Variants in ADGRG6 observed in about 807,000 individuals in gnomAD.
The protein encoded by ADGRG6 is adhesion G protein-coupled receptor G6.
A neutral mutation model predicts 142.4 loss-of-function variants in ADGRG6; 84 were observed. That is an observed-to-expected ratio of 0.59 (90% CI 0.49 to 0.71). The LOEUF is 0.71. Among genes scored for constraint, ADGRG6 ranks in the 30% least tolerant of loss-of-function variants. The pLI, the probability that ADGRG6 is intolerant of heterozygous loss-of-function variation, is 0.00. For synonymous variants in ADGRG6, 521 were observed against 520.5 expected, an observed-to-expected ratio of 1.00 and a Z score of -0.01; for missense variants, 1,367 against 1,466.6, an observed-to-expected ratio of 0.93 and a Z score of 1.11.
At chr6:142,350,374 A>C (rs1042985268) in intron 2 of ADGRG6, among the ~76,000 whole-genome samples, 51 of 152,318 alleles carry the variant, frequency 3.3e-4, no homozygotes, top group African/African-American at 1.2e-3. Context: ...TACATTTCAA[A>C]AATGAAGTGC....
At chr6:142,381,543 G>A (rs1198669123) in intron 4 of ADGRG6, among the ~76,000 whole-genome samples, 2 of 152,196 alleles carry the variant, frequency 1.3e-5, no homozygotes, top group African/African-American at 4.8e-5. Flanking sequence ...ATGCTAGGAT[G>A]TATGAACCAA....
chr6:142,441,361 C>T (rs1777748352), intron 24 of ADGRG6, among the ~76,000 whole-genome samples: 6 of 152,116 alleles, frequency 3.9e-5, no homozygotes. Flanking sequence ...TTGTGAATTC[C>T]AAGCCTGCTT....
In ADGRG6 at chr6:142,383,827, C is replaced by G. The variant is rs368646880; in HGVS notation, c.1206C>G (p.Ile402Met). The G allele has an allele frequency of 6.5e-7, 1 of 1,545,774 alleles. No homozygotes were observed. The change falls in exon 6 of 25, where the codon ATC (isoleucine) becomes ATG (methionine). Residue 402 changes from isoleucine to methionine, a missense_variant. Physicochemically the swap from Ile to Met is conservative, Grantham distance 10. Coordinates refer to ENST00000367609, the MANE Select transcript of ADGRG6 (RefSeq NM_198569.3). ...VTTNMPVTNR[I>M]DKQRNDGIIY... ...CTAACATGCCTGTTACTAACAGAAT[C>G]GATAAACAAAGGAATGGTAAGAAAT...
intron 2 of ADGRG6, among the ~76,000 whole-genome samples, chr6:142,357,218 T>C (rs1055928647): frequency 2.0e-5 from 3 of 152,160 alleles, no homozygotes; most frequent in Non-Finnish European, 4.4e-5. Flanking sequence ...CTGAAAAAAT[T>C]AAGATCATCT....
chr6:142,432,475 G>T (rs750403745), intron 22 of ADGRG6, among the ~76,000 whole-genome samples: 26 of 152,018 alleles, frequency 1.7e-4, no homozygotes, highest in Non-Finnish European at 2.1e-4. Context: ...TCATTCCTAA[G>T]AATTCTAATT....
chr6:142,354,185 T>TA (rs923887853), intron 2 of ADGRG6, among the ~76,000 whole-genome samples: 1 of 152,012 alleles, frequency 6.6e-6, no homozygotes, highest in Non-Finnish European at 1.5e-5. Flanking sequence ...TTTCTCCTAT[T>TA]AAAAAAAACC....
intron 1 of ADGRG6, among the ~76,000 whole-genome samples, chr6:142,309,054 A>G: frequency 6.6e-6 from 1 of 151,938 alleles, no homozygotes; most frequent in Middle Eastern, 3.4e-3. Flanking sequence ...TAGGGGATAG[A>G]ACAGAGTTTG....
intron 16 of ADGRG6, 42 bp from the exon 17 acceptor site, chr6:142,409,831 AT>A: frequency 1.1e-6 from 1 of 900,646 alleles, no homozygotes; most frequent in Non-Finnish European, 1.7e-6. Flanking sequence ...AAATCATGGC[AT>A]TTTAAACACA....
chr6:142,337,572 G>C (rs1189690618), intron 2 of ADGRG6, among the ~76,000 whole-genome samples: 5 of 152,052 alleles, frequency 3.3e-5, no homozygotes. Flanking sequence ...GTTATTTGTG[G>C]AAAGCAAAAT....
chr6:142,424,630 C>T (rs372207669), intron 22 of ADGRG6, among the ~76,000 whole-genome samples: 3 of 145,242 alleles, frequency 2.1e-5, no homozygotes, highest in African/African-American at 7.7e-5. Flanking sequence ...GTCTAAAATT[C>T]TCTTTTTTGG....
At chr6:142,374,011 T>C (rs934681933) in intron 4 of ADGRG6, among the ~76,000 whole-genome samples, 1 of 151,854 alleles carries the variant, frequency 6.6e-6, no homozygotes, top group Non-Finnish European at 1.5e-5. Flanking sequence ...CCCTTGTTCT[T>C]ATAAATAAAG....
intron 1 of ADGRG6, 157 bp downstream of exon 1, chr6:142,302,488 C>G (rs1777273444): frequency 7.0e-6 from 5 of 711,732 alleles, no homozygotes; most frequent in Non-Finnish European, 1.1e-5. Flanking sequence ...GTTTGCCCCT[C>G]GAGGCACTGA....
intron 6 of ADGRG6, among the ~76,000 whole-genome samples, chr6:142,384,311 T>A (rs995979781): frequency 2.0e-5 from 3 of 152,156 alleles, no homozygotes; most frequent in Non-Finnish European, 4.4e-5. Context: ...TACATCAATG[T>A]CCATAGTAAT....
intron 2 of ADGRG6, among the ~76,000 whole-genome samples, chr6:142,315,820 C>CAAAT (rs10609669): frequency 0.017 from 2,367 of 139,114 alleles, 28 homozygotes; most frequent in Middle Eastern, 0.025. Context: ...AACTACATCT[C>CAAAT]AAATAAATAA....
At chr6:142,355,721 C>A (rs1780410407) in intron 2 of ADGRG6, among the ~76,000 whole-genome samples, 1 of 152,036 alleles carries the variant, frequency 6.6e-6, no homozygotes, top group African/African-American at 2.4e-5. Flanking sequence ...CCAGCCCACC[C>A]ACTTTTTGTG....
At chr6:142,346,392 A>C (rs966637976) in intron 2 of ADGRG6, among the ~76,000 whole-genome samples, 2 of 152,146 alleles carry the variant, frequency 1.3e-5, no homozygotes, top group East Asian at 3.9e-4. Flanking sequence ...GCATTCTCTA[A>C]TGACCAGTCA....
chr6:142,400,124 T>A (rs1453041177), intron 10 of ADGRG6, among the ~76,000 whole-genome samples: 3 of 152,216 alleles, frequency 2.0e-5, no homozygotes, highest in Admixed American at 2.0e-4. Context: ...AAATTACATT[T>A]TGAATTTTTC....
intron 3 of ADGRG6, among the ~76,000 whole-genome samples, chr6:142,368,411 G>A (rs1214330478): frequency 6.6e-6 from 1 of 152,102 alleles, no homozygotes; most frequent in Non-Finnish European, 1.5e-5. Context: ...CTAACTGAAT[G>A]AAATAAGGCA....
At chr6:142,440,712 A>C (rs916196662) in intron 24 of ADGRG6, among the ~76,000 whole-genome samples, 3 of 152,210 alleles carry the variant, frequency 2.0e-5, no homozygotes, top group Admixed American at 2.0e-4. Context: ...ATATGGCATT[A>C]CTTCAATGTT....
Sources: allele counts gnomAD v4.1 joint callset (sites outside exome capture counted in the v4.1 genomes callset), GRCh38; gene constraint gnomAD v4.1.1; transcripts MANE v1.5; gene names NCBI Gene and HGNC (gene_info 2026-07-23, HGNC 2026-07-21).